Variants in PDIA5 observed in about 807,000 individuals in gnomAD.
PDIA5 encodes the protein protein disulfide isomerase family A member 5.
PDIA5 carries 58 observed loss-of-function variants against 77.6 expected under a neutral mutation model. The ratio of observed to expected loss-of-function variants is 0.75; its 90% CI spans 0.61 to 0.93. The LOEUF (loss-of-function observed/expected upper bound fraction) is 0.93, where lower values mean the gene tolerates loss of function less well. PDIA5 is among the 40% of genes least tolerant of loss of function. The pLI is 0.00. For synonymous variants in PDIA5, 250 were observed against 252.1 expected, an observed-to-expected ratio of 0.99 and a Z score of 0.08; for missense variants, 630 against 647.7, an observed-to-expected ratio of 0.97 and a Z score of 0.30.
intron 1 of PDIA5, among the ~76,000 whole-genome samples, chr3:123,072,239 T>C (rs925952993): frequency 6.6e-6 from 1 of 152,238 alleles, no homozygotes; most frequent in Admixed American, 6.5e-5. Context: ...TTTAGCCAGC[T>C]AGACACTCAG....
intron 8 of PDIA5, among the ~76,000 whole-genome samples, chr3:123,119,676 T>A (rs561018092): frequency 3.1e-4 from 47 of 152,266 alleles, no homozygotes; most frequent in Admixed American, 6.5e-4. Context: ...CAGGTGTCAA[T>A]TGCTTTTTGT....
intron 15 of PDIA5, among the ~76,000 whole-genome samples, chr3:123,158,937 G>A (rs772017537): frequency 1.3e-5 from 2 of 152,176 alleles, no homozygotes; most frequent in Non-Finnish European, 2.9e-5. Context: ...TGGGGAGGAC[G>A]CATTTGTCTC....
intron 1 of PDIA5, among the ~76,000 whole-genome samples, chr3:123,088,766 A>G (rs1268452629): frequency 3.9e-5 from 6 of 152,212 alleles, no homozygotes; most frequent in African/African-American, 1.4e-4. Context: ...TAGATTTTTT[A>G]TGATACCAAA....
At chr3:123,159,745 A>G (rs889794355) in intron 15 of PDIA5, among the ~76,000 whole-genome samples, 8 of 152,332 alleles carry the variant, frequency 5.3e-5, no homozygotes, top group Non-Finnish European at 8.8e-5. Flanking sequence ...AGAATGTTAC[A>G]TAGCTGAAGA....
chr3:123,114,375 A>G (rs1412979385), intron 7 of PDIA5, among the ~76,000 whole-genome samples: 1 of 152,036 alleles, frequency 6.6e-6, no homozygotes, highest in African/African-American at 2.4e-5. Context: ...CACCCCCCCA[A>G]ATCCTGGCAT....
intron 5 of PDIA5, 131 bp downstream of exon 5, chr3:123,102,927 T>A: frequency 1.4e-6 from 1 of 709,334 alleles, no homozygotes; most frequent in Non-Finnish European, 2.6e-6. Context: ...GAGAGATTCT[T>A]ATCTCTAGAG....
chr3:123,124,431 G>T (rs1321977140), intron 10 of PDIA5, 88 bp downstream of exon 10: 1 of 930,610 alleles, frequency 1.1e-6, no homozygotes, highest in Non-Finnish European at 1.8e-6. Context: ...CTGGCTGGAG[G>T]TTGGGGGAAA....
chr3:123,123,012 T>C (rs1935155477), intron 8 of PDIA5, among the ~76,000 whole-genome samples: 1 of 152,262 alleles, frequency 6.6e-6, no homozygotes, highest in Non-Finnish European at 1.5e-5. Context: ...TGCTGGCTCA[T>C]GCCTGTAATT....
intron 5 of PDIA5, among the ~76,000 whole-genome samples, chr3:123,104,993 T>G (rs1414646066): frequency 6.6e-5 from 10 of 152,202 alleles, no homozygotes; most frequent in Admixed American, 6.5e-4. Context: ...AAAAACAAGG[T>G]TGTGTGTACG....
intron 5 of PDIA5, among the ~76,000 whole-genome samples, chr3:123,103,995 C>G (rs1934668127): frequency 6.6e-6 from 1 of 152,116 alleles, no homozygotes; most frequent in South Asian, 2.1e-4. Flanking sequence ...CTGTCTTGGG[C>G]TTATGGAGCA....
At chr3:123,077,812 CTT>C (rs35172329) in intron 1 of PDIA5, among the ~76,000 whole-genome samples, 45 of 141,744 alleles carry the variant, frequency 3.2e-4, no homozygotes, top group Non-Finnish European at 3.4e-4. Flanking sequence ...AATTAATGTT[CTT>C]TTTTTTTTTT....
chr3:123,155,156 G>A (rs371457527), intron 15 of PDIA5, 115 bp downstream of exon 15: 22 of 746,082 alleles, frequency 2.9e-5, no homozygotes, highest in East Asian at 4.9e-5. Flanking sequence ...CTGTAAGCAG[G>A]AAATTCCTTG....
rs537263362 is a variant in PDIA5, at chr3:123,152,913, C to T, written c.1274-2058C>T. Among the ~76,000 whole-genome samples, 16 of 151,722 alleles carry T rather than the reference C, an allele frequency of 1.1e-4. No homozygotes were observed. The South Asian group carries it at 3.1e-3, about 30-fold the overall frequency. On this transcript the variant is annotated intron_variant, in intron 14 of 16. Coordinates refer to ENST00000316218, the MANE Select transcript of PDIA5 (RefSeq NM_006810.4). ...CAGCCTGTCCTCAGTCTTTGTTCCT[C>T]TTTCCCCACTCTGGGAGGCGTCTTT...
At chr3:123,135,135 A>T (rs1304315291) in intron 11 of PDIA5, among the ~76,000 whole-genome samples, 1 of 152,154 alleles carries the variant, frequency 6.6e-6, no homozygotes, top group African/African-American at 2.4e-5. Context: ...GGCGTTCCAT[A>T]TGAGAGAAGT....
At chr3:123,129,205 A>G (rs1935314416) in intron 10 of PDIA5, among the ~76,000 whole-genome samples, 1 of 152,252 alleles carries the variant, frequency 6.6e-6, no homozygotes, top group East Asian at 1.9e-4. Context: ...CCTAGATTGC[A>G]TGATGTTTGT....
At chr3:123,132,905 C>T (rs925610438) in intron 11 of PDIA5, among the ~76,000 whole-genome samples, 9 of 152,068 alleles carry the variant, frequency 5.9e-5, no homozygotes, top group Non-Finnish European at 1.2e-4. Flanking sequence ...CATGGTTGTG[C>T]GCATGTGGGT....
Position 123,097,683 on chromosome 3 carries a change from G to A in PDIA5, c.258-4728G>A, listed in dbSNP as rs544755722. Among the ~76,000 whole-genome samples, 24 of 151,664 alleles carry A rather than the reference G, an allele frequency of 1.6e-4. No individual in the cohort carries two copies. In the East Asian group the frequency reaches 1.7e-3, roughly 11 times the overall value. On this transcript the variant is annotated intron_variant, in intron 3 of 16. Transcript: ENST00000316218. ...ACTCAGTATTTCTTGCTCAGCACTC[G>A]CCCCCGCCCCCTCCCCCTCCATTTT...
At chr3:123,118,331 A>G (rs961165538) in intron 8 of PDIA5, among the ~76,000 whole-genome samples, 2 of 152,188 alleles carry the variant, frequency 1.3e-5, no homozygotes, top group Non-Finnish European at 2.9e-5. Flanking sequence ...GCCTGGAGAA[A>G]AGACTTAATT....
At chr3:123,069,937 A>T (rs1222919725) in intron 1 of PDIA5, among the ~76,000 whole-genome samples, 1 of 152,032 alleles carries the variant, frequency 6.6e-6, no homozygotes, top group African/African-American at 2.4e-5. Flanking sequence ...TAAAAATACA[A>T]AAATTAGCCA....
Sources: gnomAD v4.1 joint callset for allele counts (sites outside exome capture counted in the v4.1 genomes callset) on GRCh38, gnomAD v4.1.1 for gene constraint, MANE v1.5 for transcripts, NCBI Gene and HGNC (gene_info 2026-07-23, HGNC 2026-07-21) for gene names.